The following EBNA1BP2 variants were observed in gnomAD, a reference collection of about 807,000 sequenced individuals.
The protein encoded by EBNA1BP2 is probable rRNA-processing protein EBP2.
Under a neutral mutation model 43.5 loss-of-function variants are expected in EBNA1BP2, and 36 were observed. The observed-to-expected ratio is 0.83, with a 90% CI of 0.63 to 1.09. The LOEUF (loss-of-function observed/expected upper bound fraction) is 1.09. Ranked by LOEUF, EBNA1BP2 falls within the 50% of genes least tolerant of loss-of-function variation. EBNA1BP2 has a pLI of 0.00. For missense variants in EBNA1BP2, 332 were observed against 379.1 expected, an observed-to-expected ratio of 0.88 and a Z score of 1.03; for synonymous variants, 127 against 141.3, an observed-to-expected ratio of 0.90 and a Z score of 0.72.
intron 7 of EBNA1BP2, among the ~76,000 whole-genome samples, chr1:43,166,127 A>T (rs754980864): frequency 5.3e-5 from 8 of 152,236 alleles, no homozygotes; most frequent in Admixed American, 2.0e-4. Flanking sequence ...TGAGGCAGAC[A>T]CTATTTCCTC....
At chr1:43,172,536 G>C (rs1285486378), upstream of EBNA1BP2, 19 of 1,263,930 alleles carry the variant, frequency 1.5e-5, no homozygotes, top group Non-Finnish European at 1.6e-5. Context: ...GGAGCCGCGG[G>C]GGTGGGGTGG....
At position 43,167,197 on chromosome 1, in the gene EBNA1BP2, T is replaced by C. The variant is rs761831812; in HGVS notation, c.576A>G (p.Lys192=). 4 of 1,614,078 alleles carry C rather than the reference T, an allele frequency of 2.5e-6. No homozygotes were observed. Among genetic ancestry groups the C allele is most frequent in the African/African-American group, 1.3e-5 (1 of 74,930 alleles). ...TCTTAATAGCATTCATCATATGGGC[T>C]TTCTCCTGCTGCCTCTTCTGAAGAA... ...TEVLQKRQQE[K]AHMMNAIKKY... is the part of the protein sequence containing the mutation. The change falls in exon 6 of 9, where the codon AAA becomes AAG. Residue 192 remains lysine, a synonymous_variant. Coordinates refer to ENST00000236051, the MANE Select transcript of EBNA1BP2 (RefSeq NM_006824.3).
intron 2 of EBNA1BP2, 34 bp from the exon 3 acceptor site, chr1:43,171,685 G>C (rs760553611): frequency 6.2e-7 from 1 of 1,605,274 alleles, no homozygotes; most frequent in Non-Finnish European, 8.5e-7. Context: ...CACAAGAAGG[G>C]AACTCTGAGT....
At chr1:43,165,084 C>T (rs1644909700) in intron 7 of EBNA1BP2, among the ~76,000 whole-genome samples, 1 of 152,138 alleles carries the variant, frequency 6.6e-6, no homozygotes, top group Non-Finnish European at 1.5e-5. Flanking sequence ...CTTTAGAAAG[C>T]TTTCTATTTT....
Position 43,171,547 on chromosome 1 carries a change from C to T in EBNA1BP2, c.255G>A (p.Ala85=), listed in dbSNP as rs1644971457. 3.7e-6 allele frequency: 6 copies of T among 1,614,166 alleles called. No homozygotes were observed. The highest frequency in any genetic ancestry group is 5.1e-6 in the Non-Finnish European group (6 of 1,180,030). ...GPVPEIGGSE[A]PAPQNKDQKA... is the part of the protein sequence containing the mutation. ...TCTGGTCCTTGTTCTGAGGTGCTGG[C>T]GCCTCAGATCCACCGATCTCCGGTA... The change falls in exon 3 of 9, where the codon GCG becomes GCA. Residue 85 remains alanine, a synonymous_variant. Transcript: ENST00000236051.
At chr1:43,170,247 G>A (rs1448739799) in intron 4 of EBNA1BP2, among the ~76,000 whole-genome samples, 1 of 152,138 alleles carries the variant, frequency 6.6e-6, no homozygotes, top group Non-Finnish European at 1.5e-5. Context: ...GGCTATGGAG[G>A]GCTGAATGTA....
intron 7 of EBNA1BP2, 68 bp downstream of exon 7, chr1:43,166,758 C>A: frequency 6.7e-7 from 1 of 1,485,546 alleles, no homozygotes; most frequent in South Asian, 1.2e-5. Context: ...CTATGTCTGC[C>A]ATACTCGTGA....
chr1:43,172,104 C>T lies in EBNA1BP2; in HGVS notation c.15G>A (p.Pro5=). 1.2e-6 allele frequency: 2 copies of T among 1,614,144 alleles called. No individual in the cohort carries two copies. The highest frequency in any genetic ancestry group is 1.7e-6 in the Non-Finnish European group (2 of 1,180,022). ...CGGATTCCGACTCCGAATCCGAGAG[C>T]GGGGGAGTGTCCATCTCGCCGCACG... MDTP[P]LSDSESESDE... is the part of the protein sequence containing the mutation. The change falls in exon 1 of 9, where the codon CCG becomes CCA. Residue 5 remains proline, a synonymous_variant. Transcript: ENST00000236051.
chr1:43,164,406 T>C lies in EBNA1BP2; in HGVS notation c.*37A>G. 1 of 1,613,568 alleles carries C rather than the reference T, an allele frequency of 6.2e-7. No individual in the cohort carries two copies. The highest frequency in any genetic ancestry group is 8.5e-7 in the Non-Finnish European group (1 of 1,179,480). ...TGTGTCGTGAAATTGCGAGTCTTCA[T>C]TCCTTTTTCTTGGTTCTTTGTATTC... On this transcript the variant is annotated 3_prime_UTR_variant, in exon 9 of 9. Coordinates refer to ENST00000236051, the MANE Select transcript of EBNA1BP2 (RefSeq NM_006824.3).
rs769299054 is a variant in EBNA1BP2, at chr1:43,166,914, A to G, written c.619T>C (p.Ser207Pro). 17 of 1,611,980 alleles carry G rather than the reference A, an allele frequency of 1.1e-5. No individual in the cohort carries two copies. The highest frequency in any genetic ancestry group is 1.4e-5 in the Non-Finnish European group (17 of 1,179,424). The change falls in exon 7 of 9, where the codon TCT (serine) becomes CCT (proline). Residue 207 changes from serine (S) to proline (P), a missense_variant. Transcript: ENST00000236051. ...NAIKKYQKGF[S>P]DKLDFLEGDQ... ...CCCTCAAGGAAATCCAGTTTATCAG[A>G]GAAGCCTGTAAGTGAAGAAGTAGTT...
Position 43,170,861 on chromosome 1 carries a change from G to A in EBNA1BP2, c.342C>T (p.Ala114=), listed in dbSNP as rs779760989. The A allele has an allele frequency of 4.0e-4, 627 of 1,584,436 alleles. No individual in the cohort carries two copies. Among genetic ancestry groups the A allele is most frequent in the Non-Finnish European group, 5.1e-4 (601 of 1,169,242 alleles). Reference sequence around the variant, plus strand: ...GGCGGGGTAAGACTGCAAGCACTGCGGCCTGGGCTTGGCGATAGCTGAGAA... The same window carrying A: ...GGCGGGGTAAGACTGCAAGCACTGCAGCCTGGGCTTGGCGATAGCTGAGAA... ...REMSFYRQAQ[A]AVLAVLPRLH... The change falls in exon 4 of 9, where the codon GCC becomes GCT. Residue 114 remains alanine (A), a synonymous_variant. Transcript: ENST00000236051.
rs1479972999 is a variant in EBNA1BP2, at chr1:43,171,628, T to C, written c.174A>G (p.Ala58=). The C allele has an allele frequency of 6.2e-7, 1 of 1,614,104 alleles. No homozygotes were observed. Among genetic ancestry groups the C allele is most frequent in the African/African-American group, 1.3e-5 (1 of 75,052 alleles). The change falls in exon 3 of 9, where the codon GCA becomes GCG. Residue 58 remains alanine, a synonymous_variant. Transcript: ENST00000236051. ...CCCATTCCAGATCCCGCTTGAATTC[T>C]GCCAAACATTGCTTCAGGCCATTCT... The part of the protein sequence containing the change: ...NDVNGLKQCL[A]EFKRDLEWVE...
In EBNA1BP2 at chr1:43,166,893, C is replaced by A; in HGVS notation, c.640G>T (p.Glu214Ter). Residue 214 changes from glutamate (E) to a stop codon, truncating the protein, a stop_gained, in exon 7 of 9, where the codon GAG becomes TAG. Transcript: ENST00000236051. LOFTEE classifies it high-confidence loss of function. Reference sequence around the variant, plus strand: ...TGTGCCAGAGGTTTCTGATCTCCCTCAAGGAAATCCAGTTTATCAGAGAAG... The same window carrying A: ...TGTGCCAGAGGTTTCTGATCTCCCTAAAGGAAATCCAGTTTATCAGAGAAG... ...KGFSDKLDFL[E>*]GDQKPLAQRK... 1 of 1,613,096 alleles carries A rather than the reference C, an allele frequency of 6.2e-7. No individual in the cohort carries two copies.
In EBNA1BP2 at chr1:43,170,761, G is replaced by C. The variant is rs1041006859; in HGVS notation, c.442C>G (p.Gln148Glu). Reference sequence around the variant, plus strand: ...GGAAAACTTCTATTTCTTACCTTCTGCATCTGCAGATCAGATTTGGCCATT... The same window carrying C: ...GGAAAACTTCTATTTCTTACCTTCTCCATCTGCAGATCAGATTTGGCCATT... ...AEMAKSDLQM[Q>E]KIRQKLQTKQ... The change falls in exon 4 of 9, where the codon CAG (glutamine) becomes GAG (glutamate). Residue 148 changes from glutamine to glutamate, a missense_variant. Physicochemically the swap from Gln to Glu is conservative, Grantham distance 29. This residue lies in a region of EBNA1BP2 where 91 missense variants were observed against 152.1 expected (regional missense o/e 0.60). Transcript: ENST00000236051. 6.2e-7 allele frequency: 1 copy of C among 1,604,606 alleles called. No homozygotes were observed. The highest frequency in any genetic ancestry group is 8.5e-7 in the Non-Finnish European group (1 of 1,176,266).
chr1:43,171,293 G>C (rs1436400642), intron 3 of EBNA1BP2, 186 bp downstream of exon 3: 1 of 723,200 alleles, frequency 1.4e-6, no homozygotes, highest in Non-Finnish European at 2.0e-6. Flanking sequence ...AGTGGATTTT[G>C]GATCGTGACC....
intron 5 of EBNA1BP2, among the ~76,000 whole-genome samples, chr1:43,167,986 C>T (rs943288146): frequency 2.0e-5 from 3 of 152,176 alleles, no homozygotes; most frequent in Non-Finnish European, 4.4e-5. Context: ...AGTTAACAAA[C>T]TCTTCCCCAG....
intron 3 of EBNA1BP2, chr1:43,171,128 AT>A (rs1644962811): frequency 2.0e-6 from 1 of 492,792 alleles, no homozygotes; most frequent in South Asian, 3.7e-5. Context: ...AAAGGTACCC[AT>A]TAACACAAAC....
rs940586037 is a variant in EBNA1BP2, at chr1:43,164,302, G to A, written c.*141C>T. The A allele has an allele frequency of 2.2e-6, 2 of 919,090 alleles. No homozygotes were observed. The highest frequency in any genetic ancestry group is 2.3e-5 in the Admixed American group (1 of 42,804). The allele number at this position is 919,090 out of a possible 1,614,324, so 56.9% of individuals were successfully genotyped here. ...TTTAGTCTAGACTATTTAACCAAAG[G>A]TATGTGTTCCTTTAATAATTTTTCT... On this transcript the variant is annotated 3_prime_UTR_variant, in exon 9 of 9. Coordinates refer to ENST00000236051, the MANE Select transcript of EBNA1BP2 (RefSeq NM_006824.3).
At chr1:43,172,563 G>C, upstream of EBNA1BP2, 1 of 769,796 alleles carries the variant, frequency 1.3e-6, no homozygotes, top group East Asian at 2.7e-5. Flanking sequence ...GGAGGACCCC[G>C]GGGGAGGGGA....
Sources: gnomAD v4.1 joint callset for allele counts (sites outside exome capture counted in the v4.1 genomes callset) on GRCh38, gnomAD v4.1.1 for gene constraint, gnomAD v4.1.1 regional missense constraint, MANE v1.5 for transcripts, NCBI Gene and HGNC (gene_info 2026-07-23, HGNC 2026-07-21) for gene names.